RAD54L: variants seen among roughly 807,000 people sequenced by gnomAD.
RAD54L encodes the protein DNA repair and recombination protein RAD54-like.
RAD54L carries 74 observed loss-of-function variants against 91.6 expected under a neutral mutation model. That is an observed-to-expected ratio of 0.81 (90% CI 0.67 to 0.98). The LOEUF (loss-of-function observed/expected upper bound fraction) is 0.98, where lower values mean the gene tolerates loss of function less well. Among genes scored for constraint, RAD54L ranks in the 50% least tolerant of loss-of-function variants. The pLI, the probability that RAD54L is intolerant of heterozygous loss-of-function variation, is 0.00. For synonymous variants in RAD54L, 304 were observed against 349.7 expected (o/e 0.87, Z 1.46); for missense variants, 887 against 945.7 (o/e 0.94, Z 0.81).
At chr1:46,270,903 C>T in intron 10 of RAD54L, 118 bp downstream of exon 10, 2 of 1,386,622 alleles carry the variant, frequency 1.4e-6, no homozygotes, top group Non-Finnish European at 2.0e-6. Context: ...GGAGTGGGTT[C>T]TGTGTCCTAA....
intron 3 of RAD54L, among the ~76,000 whole-genome samples, chr1:46,255,128 G>T (rs1659906224): frequency 6.6e-6 from 1 of 152,202 alleles, no homozygotes; most frequent in Non-Finnish European, 1.5e-5. Flanking sequence ...AGAGTGGGAG[G>T]AAAGAAGGGG....
chr1:46,274,583 G>C lies in RAD54L; in HGVS notation c.1735G>C (p.Gly579Arg), dbSNP rs1481025813. Reference sequence around the variant, plus strand: ...GCTGAGCAGCAAAGCTGGGGGCTGTGGCCTCAATCTCATTGGGGCTAACCG... The same window carrying C: ...GCTGAGCAGCAAAGCTGGGGGCTGTCGCCTCAATCTCATTGGGGCTAACCG... ...FMLSSKAGGC[G>R]LNLIGANRLV... The change falls in exon 16 of 18, where the codon GGC (glycine) becomes CGC (arginine). Residue 579 changes from glycine to arginine, a missense_variant. Gly to Arg is a moderately radical substitution (Grantham distance 125). Coordinates refer to ENST00000371975, the MANE Select transcript of RAD54L (RefSeq NM_003579.4). 6.2e-7 allele frequency: 1 copy of C among 1,613,458 alleles called. No individual in the cohort carries two copies. The highest frequency in any genetic ancestry group is 1.3e-5 in the African/African-American group (1 of 74,908).
Position 46,273,697 on chromosome 1 carries a change from G to A in RAD54L, c.1560G>A (p.Ser520=), listed in dbSNP as rs1198887218. Reference sequence around the variant, plus strand: ...GCAGTGACAAAGTAGTGCTGGTGTCGAATTACACCCAGACTTTGGATCTCT... The same window carrying A: ...GCAGTGACAAAGTAGTGCTGGTGTCAAATTACACCCAGACTTTGGATCTCT... The part of the protein sequence containing the change: ...SRSSDKVVLV[S]NYTQTLDLFE... Residue 520 remains serine (S), a synonymous_variant, in exon 14 of 18, where the codon TCG becomes TCA. Coordinates refer to ENST00000371975, the MANE Select transcript of RAD54L (RefSeq NM_003579.4). 8 of 1,613,222 alleles carry A rather than the reference G, an allele frequency of 5.0e-6. No individual in the cohort carries two copies. The highest frequency in any genetic ancestry group is 2.7e-5 in the African/African-American group (2 of 74,886).
At chr1:46,250,428 C>G (rs1557697371) in intron 3 of RAD54L, among the ~76,000 whole-genome samples, 1 of 152,180 alleles carries the variant, frequency 6.6e-6, no homozygotes, top group Non-Finnish European at 1.5e-5. Context: ...TAAGGTGTAC[C>G]AGAGTCATGT....
At chr1:46,250,157 C>T in intron 3 of RAD54L, 38 bp downstream of exon 3, 2 of 1,613,012 alleles carry the variant, frequency 1.2e-6, no homozygotes, top group Middle Eastern at 1.7e-4. Context: ...TATGTCTGTG[C>T]CCAGTCACTC....
chr1:46,277,599 A>G (rs1398658304), intron 16 of RAD54L: 18 of 603,896 alleles, frequency 3.0e-5, no homozygotes, highest in Non-Finnish European at 4.6e-5. Context: ...TAGTATAGAA[A>G]GTAGCCTGGG....
chr1:46,250,708 T>C (rs1430882411), intron 3 of RAD54L, among the ~76,000 whole-genome samples: 2 of 152,054 alleles, frequency 1.3e-5, no homozygotes, highest in Non-Finnish European at 2.9e-5. Context: ...GGTCGGGTGG[T>C]TCACGCCTGT....
chr1:46,277,910 C>CA lies in RAD54L; in HGVS notation c.1964dup (p.His655GlnfsTer15). 1 of 1,614,120 alleles carries CA rather than the reference C, an allele frequency of 6.2e-7. No homozygotes were observed. Among genetic ancestry groups the CA allele is most frequent in the Non-Finnish European group, 8.5e-7 (1 of 1,180,038 alleles). ...GGATGAGGAGCAGGATGTAGAGCGC[C>CA]ACTTCTCTCTGGGCGAGTTGAAGGA... On this transcript the variant is annotated frameshift_variant, in exon 17 of 18. Transcript: ENST00000371975. LOFTEE classifies it high-confidence loss of function.
chr1:46,260,502 C>A, intron 5 of RAD54L, 40 bp from the exon 6 acceptor site: 4 of 1,593,938 alleles, frequency 2.5e-6, no homozygotes, highest in South Asian at 1.1e-5. Flanking sequence ...CTCCCTTGCC[C>A]ATGTCTGAGC....
chr1:46,249,849 A>G (rs955903138), intron 2 of RAD54L, 151 bp from the exon 3 acceptor site: 2 of 827,802 alleles, frequency 2.4e-6, no homozygotes, highest in Non-Finnish European at 4.0e-6. Flanking sequence ...ATAACTCTAC[A>G]TAATAGAGTT....
intron 16 of RAD54L, among the ~76,000 whole-genome samples, chr1:46,276,914 C>T (rs1487387214): frequency 2.0e-5 from 3 of 152,170 alleles, no homozygotes; most frequent in African/African-American, 7.2e-5. Flanking sequence ...GATTCTCCTG[C>T]TTCTCCTGAG....
intron 9 of RAD54L, among the ~76,000 whole-genome samples, chr1:46,269,154 C>T (rs1342607591): frequency 6.6e-6 from 1 of 152,156 alleles, no homozygotes; most frequent in Admixed American, 6.5e-5. Flanking sequence ...GTGCTACCTT[C>T]TTCATAAATC....
In RAD54L at chr1:46,269,440, TG is replaced by T. The variant is rs554749982; in HGVS notation, c.1043-1216del. ...CTCCTGCCTCAGCCTCCTGAGTAGC[TG>T]GGACAACAGGCACACACCATCATGC... On this transcript the variant is annotated intron_variant, in intron 9 of 17. Transcript: ENST00000371975. Among the ~76,000 whole-genome samples, 1,332 of 152,056 alleles carry T rather than the reference TG, an allele frequency of 8.8e-3. 30 individuals carry two copies. The highest frequency in any genetic ancestry group is 0.031 in the African/African-American group (1,289 of 41,446).
chr1:46,273,204 A>G (rs1287434698), intron 12 of RAD54L, 151 bp from the exon 13 acceptor site: 3 of 773,306 alleles, frequency 3.9e-6, no homozygotes, highest in African/African-American at 3.4e-5. Context: ...GGCACCGACT[A>G]TATCCTGTTG....
rs370470036 is a variant in RAD54L, at chr1:46,274,483, G to A, written c.1690-55G>A. On this transcript the variant is annotated intron_variant, in intron 15 of 17. Coordinates refer to ENST00000371975, the MANE Select transcript of RAD54L (RefSeq NM_003579.4). ...AGGGAGGAGCTGGTTGGGCTGAGCA[G>A]GATCCCAGTTTAGGCTATAAGAGGT... 4.4e-6 allele frequency: 7 copies of A among 1,586,760 alleles called. No individual in the cohort carries two copies. In the Admixed American group the frequency reaches 6.7e-5, roughly 15 times the overall value.
chr1:46,261,408 G>C lies in RAD54L; in HGVS notation c.891+23G>C, dbSNP rs774512173. The C allele has an allele frequency of 3.7e-6, 6 of 1,613,786 alleles. No individual in the cohort carries two copies. In the African/African-American group the frequency reaches 8.0e-5, roughly 22 times the overall value. ...GAGGTACTTGACTCTCAGCAGTCTG[G>C]GTGGTAGGAGAAAATCTGTCAAAAT... is the stretch of plus-strand genomic sequence containing the variant. On this transcript the variant is annotated intron_variant, in intron 8 of 17. Transcript: ENST00000371975.
Position 46,272,025 on chromosome 1 carries a change from C to CTTTTTTTTTTTTTTTTTTTTTTT in RAD54L, c.1170-429_1170-407dup, listed in dbSNP as rs1162693010. Reference sequence around the variant, plus strand: ...GATGTGTTTGACATAGGTCTGATGACTTTTTTTTTTTTTTTTTTTTTTTTT... The same window carrying CTTTTTTTTTTTTTTTTTTTTTTT: ...GATGTGTTTGACATAGGTCTGATGACTTTTTTTTTTTTTTTTTTTTTTTTTTTTTTTTTTTTTTTTTTTTTTTT... On this transcript the variant is annotated intron_variant, in intron 10 of 17. Transcript: ENST00000371975. Among the ~76,000 whole-genome samples, 9 of 41,168 alleles carry CTTTTTTTTTTTTTTTTTTTTTTT rather than the reference C, an allele frequency of 2.2e-4. 3 individuals carry two copies. Among genetic ancestry groups the CTTTTTTTTTTTTTTTTTTTTTTT allele is most frequent in the Admixed American group, 8.6e-4 (2 of 2,332 alleles). The allele number at this position is 41,168 out of a possible 152,430, so 27.0% of individuals were successfully genotyped here.
rs17102091 is a variant in RAD54L at position 46,267,433 on chromosome 1, C to T, written c.892-26C>T. 3.3e-3 allele frequency: 5,396 copies of T among 1,613,226 alleles called. 115 individuals carry two copies. The African/African-American group carries it at 0.05, about 15-fold the overall frequency. On this transcript the variant is annotated intron_variant, in intron 8 of 17. Transcript: ENST00000371975. ...CTACCGTATAGGGAATGCCACATTG[C>T]GCTCTGAATAAGGATTCTCTTGCAG...
intron 16 of RAD54L, among the ~76,000 whole-genome samples, chr1:46,275,021 A>G (rs921571282): frequency 2.0e-5 from 3 of 151,926 alleles, no homozygotes; most frequent in East Asian, 3.9e-4. Flanking sequence ...CCCCTGTCCT[A>G]TTTGCATTCT....
Sources: allele counts gnomAD v4.1 joint callset (sites outside exome capture counted in the v4.1 genomes callset), GRCh38; gene constraint gnomAD v4.1.1; transcripts MANE v1.5; gene names NCBI Gene and HGNC (gene_info 2026-07-23, HGNC 2026-07-21).